MID1: variants seen among roughly 807,000 people sequenced by gnomAD.
MID1 encodes E3 ubiquitin-protein ligase Midline-1.
In MID1, 7 loss-of-function variants were observed where a neutral mutation model predicts 40.4. The observed-to-expected ratio is 0.17, with a 90% CI of 0.10 to 0.33. MID1 has a LOEUF of 0.33. Ranked by LOEUF, MID1 falls within the 10% of genes least tolerant of loss-of-function variation. MID1 has a pLI of 1.00. For missense variants in MID1, 367 were observed against 558.5 expected (o/e 0.66, Z 3.46); for synonymous variants, 229 against 221.2 (o/e 1.04, Z -0.31).
chrX:10,827,815 C>A (rs2044225689), intron 1 of MID1, among the ~76,000 whole-genome samples: 1 of 110,870 alleles, frequency 9.0e-6, no homozygotes, highest in Non-Finnish European at 1.9e-5. Flanking sequence ...AGTATGTCGG[C>A]ACGGTGCAGA....
upstream of MID1, among the ~76,000 whole-genome samples, chrX:10,624,838 T>G (rs893041255): frequency 1.8e-5 from 2 of 111,007 alleles, no homozygotes; most frequent in Non-Finnish European, 3.8e-5. Context: ...GGTCTTGAAC[T>G]CCTGGGCTCA....
intron 1 of MID1, among the ~76,000 whole-genome samples, chrX:10,626,361 C>T (rs1470495665): frequency 9.4e-6 from 1 of 106,443 alleles, no homozygotes; most frequent in African/African-American, 3.5e-5. Context: ...CTAGGTCTCG[C>T]TGTGTTGCCC....
rs561756574 is a variant in MID1, at chrX:10,534,276, T to C, written c.661-11089A>G. Among the ~76,000 whole-genome samples, 78 of 112,226 alleles carry C rather than the reference T, an allele frequency of 7.0e-4. No homozygotes were observed. The South Asian group carries it at 0.027, about 38-fold the overall frequency. ...CTTCCTACTTCAACAGGGTTTTAAC[T>C]GATACCATCAAACATTTTTACCAGA... On this transcript the variant is annotated intron_variant, in intron 2 of 9. Coordinates refer to ENST00000317552, the MANE Select transcript of MID1 (RefSeq NM_000381.4).
chrX:10,573,465 G>A (rs189880402), intron 1 of MID1, among the ~76,000 whole-genome samples: 1 of 111,870 alleles, frequency 8.9e-6, no homozygotes, highest in East Asian at 2.8e-4. Flanking sequence ...AGCAAGAACT[G>A]ACTACCTCAA....
intron 1 of MID1, among the ~76,000 whole-genome samples, chrX:10,602,009 T>C (rs1294921608): frequency 9.3e-6 from 1 of 107,607 alleles, no homozygotes; most frequent in Non-Finnish European, 1.9e-5. Flanking sequence ...CCCATTCTCC[T>C]GCCTCAGCCT....
intron 9 of MID1, among the ~76,000 whole-genome samples, chrX:10,452,236 C>T (rs1235191088): frequency 1.8e-5 from 2 of 111,928 alleles, no homozygotes; most frequent in Non-Finnish European, 3.8e-5. Flanking sequence ...GCCCCCACCC[C>T]TTCTGGTCTA....
chrX:10,522,088 A>G lies in MID1; in HGVS notation c.756+1004T>C, dbSNP rs146658859. ...TGAGCTCAAGCGATCCTCCTGCCTT[A>G]GCCTCCCAAAGTGCTGGGATTACAG... On this transcript the variant is annotated intron_variant, in intron 3 of 9. Coordinates refer to ENST00000317552, the MANE Select transcript of MID1 (RefSeq NM_000381.4). Among the ~76,000 whole-genome samples the G allele has an allele frequency of 5.6e-3, 625 of 112,173 alleles. 4 individuals are homozygous for G. The highest frequency in any genetic ancestry group is 0.019 in the African/African-American group (590 of 30,888).
At chrX:10,600,675 T>C (rs1410733130) in intron 1 of MID1, among the ~76,000 whole-genome samples, 1 of 112,253 alleles carries the variant, frequency 8.9e-6, no homozygotes, top group Non-Finnish European at 1.9e-5. Flanking sequence ...AACTGTTGCT[T>C]CCTGCTTCTG....
chrX:10,534,469 C>T (rs1237786513), intron 2 of MID1, among the ~76,000 whole-genome samples: 1 of 112,336 alleles, frequency 8.9e-6, no homozygotes, highest in Non-Finnish European at 1.9e-5. Flanking sequence ...ATATTTGAAG[C>T]TAAAATAGTT....
chrX:10,812,083 G>A (rs986606001), intron 1 of MID1, among the ~76,000 whole-genome samples: 2 of 111,394 alleles, frequency 1.8e-5, no homozygotes, highest in Admixed American at 9.6e-5. Flanking sequence ...AAGAAATATC[G>A]GAACAAAGCA....
intron 4 of MID1, among the ~76,000 whole-genome samples, chrX:10,488,973 C>CTA (rs763779774): frequency 3.6e-4 from 40 of 109,690 alleles, no homozygotes; most frequent in African/African-American, 1.1e-3. Context: ...TCCTCTCTCT[C>CTA]TATATATATA....
chrX:10,728,084 T>C (rs2043408107), intron 1 of MID1, among the ~76,000 whole-genome samples: 1 of 112,231 alleles, frequency 8.9e-6, no homozygotes, highest in Non-Finnish European at 1.9e-5. Context: ...TCTGTGTAAG[T>C]GAAGTGTTTC....
intron 8 of MID1, among the ~76,000 whole-genome samples, chrX:10,457,821 T>C (rs1301756140): frequency 4.4e-5 from 5 of 112,587 alleles, no homozygotes; most frequent in Non-Finnish European, 7.5e-5. Context: ...TTCTGTTCCA[T>C]AAATATATTC....
intron 2 of MID1, among the ~76,000 whole-genome samples, chrX:10,536,256 C>T (rs891756928): frequency 9.0e-6 from 1 of 111,407 alleles, no homozygotes; most frequent in Non-Finnish European, 1.9e-5. Context: ...AAGAAAACCA[C>T]ACCTAGTATT....
intron 1 of MID1, among the ~76,000 whole-genome samples, chrX:10,685,851 C>T (rs1021951223): frequency 2.0e-5 from 2 of 102,141 alleles, no homozygotes; most frequent in African/African-American, 7.3e-5. Context: ...CAGGGGACCC[C>T]TCGGCCCCTA....
intron 1 of MID1, among the ~76,000 whole-genome samples, chrX:10,656,757 AT>A (rs201204700): frequency 9.2e-6 from 1 of 108,539 alleles, no homozygotes; most frequent in Non-Finnish European, 1.9e-5. Flanking sequence ...GTAGATGGTG[AT>A]TTTTTTTAAA....
At chrX:10,825,398 C>T (rs1481904357) in intron 1 of MID1, among the ~76,000 whole-genome samples, 1 of 111,933 alleles carries the variant, frequency 8.9e-6, no homozygotes. Flanking sequence ...GAAAGGAATT[C>T]GCTGAGGTCA....
At chrX:10,696,667 T>C (rs915328870) in intron 1 of MID1, among the ~76,000 whole-genome samples, 3 of 111,892 alleles carry the variant, frequency 2.7e-5, no homozygotes, top group Non-Finnish European at 5.6e-5. Flanking sequence ...CTTGAATATA[T>C]TGGGTTAAAT....
chrX:10,576,544 A>G (rs1934876531), intron 1 of MID1, among the ~76,000 whole-genome samples: 1 of 111,581 alleles, frequency 9.0e-6, no homozygotes, highest in African/African-American at 3.3e-5. Context: ...TCATTTATAC[A>G]AGCAGACAAG....
Sources: allele counts gnomAD v4.1 joint callset (sites outside exome capture counted in the v4.1 genomes callset), GRCh38; gene constraint gnomAD v4.1.1; transcripts MANE v1.5; gene names NCBI Gene and HGNC (gene_info 2026-07-23, HGNC 2026-07-21).